The following RGMA variants were observed in gnomAD, a reference collection of about 807,000 sequenced individuals.
RGMA encodes the protein repulsive guidance molecule BMP co-receptor a.
RGMA carries 10 observed loss-of-function variants against 23.2 expected under a neutral mutation model. The ratio of observed to expected loss-of-function variants is 0.43; its 90% CI spans 0.27 to 0.73. RGMA has a LOEUF of 0.73. Ranked by LOEUF, RGMA falls within the 30% of genes least tolerant of loss-of-function variation. The pLI is 0.20. For missense variants in RGMA, 547 were observed against 630.5 expected, an observed-to-expected ratio of 0.87 and a Z score of 1.42; for synonymous variants, 308 against 279.3, an observed-to-expected ratio of 1.10 and a Z score of -1.03.
At chr15:93,064,598 G>C (rs1051555141) in intron 2 of RGMA, among the ~76,000 whole-genome samples, 1 of 152,252 alleles carries the variant, frequency 6.6e-6, no homozygotes. Context: ...TGTTCATGTG[G>C]CATTTCTTAG....
chr15:93,038,634 G>A lies in RGMA; in HGVS notation c.*6364C>T, dbSNP rs1405484124. 1 of 147,506 alleles carries A rather than the reference G, an allele frequency of 6.8e-6. No individual in the cohort carries two copies. Among genetic ancestry groups the A allele is most frequent in the South Asian group, 2.1e-4 (1 of 4,702 alleles). 9.1% of individuals were successfully genotyped at this position (147,506 alleles called of 1,614,324 possible). On this transcript the variant is annotated 3_prime_UTR_variant, in exon 4 of 4. Transcript: ENST00000329082. ...CCAGGCTGGAGGCTGGAGTGCAGTG[G>A]TGCGATCTCTGCTTGCTGCAAGTTC...
chr15:93,069,106 ATT>A lies in RGMA; in HGVS notation c.130+3808_130+3809del, dbSNP rs5814563. On this transcript the variant is annotated intron_variant, in intron 2 of 3. Transcript: ENST00000329082. ...GGTAAGCAGGCTGATCTGCTGATGCATTTTTTTTTTGTTTGTTTTTTGAGACG... is the reference window on the plus strand; with the variant it reads ...GGTAAGCAGGCTGATCTGCTGATGCATTTTTTTTGTTTGTTTTTTGAGACG... Among the ~76,000 whole-genome samples, 105 of 151,780 alleles carry A rather than the reference ATT, an allele frequency of 6.9e-4. 2 individuals carry two copies. The highest frequency in any genetic ancestry group is 3.4e-3 in the Middle Eastern group (1 of 294).
At chr15:93,046,667 G>A (rs1313072084) in intron 3 of RGMA, among the ~76,000 whole-genome samples, 1 of 152,168 alleles carries the variant, frequency 6.6e-6, no homozygotes, top group East Asian at 1.9e-4. Flanking sequence ...CATGCAAGCA[G>A]GCAGAGGCAA....
chr15:93,088,248 G>GAA, intron 1 of RGMA: 1 of 527,684 alleles, frequency 1.9e-6, no homozygotes, highest in Non-Finnish European at 2.4e-6. Context: ...CCCTCCCATT[G>GAA]AATACACCTG....
intron 2 of RGMA, among the ~76,000 whole-genome samples, chr15:93,067,858 C>T (rs918447141): frequency 2.6e-5 from 4 of 151,970 alleles, no homozygotes; most frequent in Admixed American, 6.6e-5. Flanking sequence ...GGCACCATGG[C>T]GAGGATCGGG....
Position 93,046,671 on chromosome 15 carries a change from G to C in RGMA, c.646-966C>G, listed in dbSNP as rs2054829632. On this transcript the variant is annotated intron_variant, in intron 3 of 3. Coordinates refer to ENST00000329082, the MANE Select transcript of RGMA (RefSeq NM_020211.3). ...AGGGCAAAATCCATGCAAGCAGGCA[G>C]AGGCAAGCAGAAGCCACTGTCCCAA... Among the ~76,000 whole-genome samples, 3 of 152,188 alleles carry C rather than the reference G, an allele frequency of 2.0e-5. No individual in the cohort carries two copies. In the South Asian group the frequency reaches 6.2e-4, roughly 31 times the overall value.
chr15:93,051,434 G>A (rs2054917178), intron 3 of RGMA, among the ~76,000 whole-genome samples: 1 of 152,204 alleles, frequency 6.6e-6, no homozygotes, highest in Non-Finnish European at 1.5e-5. Context: ...TCCTGGCCTC[G>A]AGGCCTTGCC....
intron 2 of RGMA, among the ~76,000 whole-genome samples, chr15:93,069,186 T>G (rs779662181): frequency 6.6e-6 from 1 of 152,218 alleles, no homozygotes; most frequent in Non-Finnish European, 1.5e-5. Flanking sequence ...CTCAGCTCAC[T>G]GCAACCTCCA....
chr15:93,046,980 C>G (rs1296153019), intron 3 of RGMA, among the ~76,000 whole-genome samples: 1 of 152,226 alleles, frequency 6.6e-6, no homozygotes, highest in Non-Finnish European at 1.5e-5. Flanking sequence ...TACTTCCAGT[C>G]TCGTGTGACA....
chr15:93,065,661 C>A, intron 2 of RGMA: 8 of 1,052,814 alleles, frequency 7.6e-6, no homozygotes, highest in Non-Finnish European at 1.0e-5. Context: ...TGCCGGGGGC[C>A]GGGGCCTGCT....
rs1042426833 is a variant in RGMA at position 93,042,343 on chromosome 15, GATA to G, written c.*2652_*2654del. 1.9e-4 allele frequency: 25 copies of G among 130,716 alleles called. No homozygotes were observed. The highest frequency in any genetic ancestry group is 4.1e-3 in the Middle Eastern group (1 of 246). The allele number at this position is 130,716 out of a possible 1,614,324, so 8.1% of individuals were successfully genotyped here. A position where few individuals can be genotyped will look rare whatever the true frequency, so the allele number is the denominator to read the frequency against. On this transcript the variant is annotated 3_prime_UTR_variant, in exon 4 of 4. Transcript: ENST00000329082. ...CCTTAACTGATTTATCTTGCTTTGG[GATA>G]ATACCACCCCCTCCCTCCCCACGAC...
intron 1 of RGMA, chr15:93,074,181 T>C: frequency 3.6e-6 from 1 of 274,644 alleles, no homozygotes; most frequent in Non-Finnish European, 6.1e-6. Context: ...CCCGCCACCC[T>C]CCTCACCTCA....
chr15:93,074,430 A>G (rs1385523109), intron 1 of RGMA, among the ~76,000 whole-genome samples: 1 of 152,214 alleles, frequency 6.6e-6, no homozygotes, highest in Non-Finnish European at 1.5e-5. Context: ...CAACCCCAGC[A>G]GCAAGACTTA....
chr15:93,080,779 C>CT (rs139990948), intron 1 of RGMA, among the ~76,000 whole-genome samples: 3,605 of 152,268 alleles, frequency 0.024, 102 homozygotes, highest in African/African-American at 0.068. Context: ...TCCTTCTCGA[C>CT]TTCCCATATT....
intron 1 of RGMA, 148 bp from the exon 2 acceptor site, chr15:93,073,179 C>T (rs979628674): frequency 8.1e-7 from 1 of 1,237,012 alleles, no homozygotes; most frequent in Admixed American, 4.4e-5. Flanking sequence ...GCGCCGCCCC[C>T]CGCGCGCCCC....
chr15:93,049,717 T>G (rs994706866), intron 3 of RGMA, among the ~76,000 whole-genome samples: 1 of 152,172 alleles, frequency 6.6e-6, no homozygotes, highest in African/African-American at 2.4e-5. Context: ...GCAAATCTCA[T>G]AGCTGCAAGG....
At chr15:93,058,128 C>T (rs111790528) in intron 2 of RGMA, among the ~76,000 whole-genome samples, 150 of 152,278 alleles carry the variant, frequency 9.9e-4, no homozygotes, top group African/African-American at 3.4e-3. Flanking sequence ...AATGAAGAGA[C>T]CTTAGATCCT....
intron 3 of RGMA, among the ~76,000 whole-genome samples, chr15:93,049,266 C>T (rs147359889): frequency 1.3e-4 from 20 of 152,274 alleles, no homozygotes; most frequent in Non-Finnish European, 2.2e-4. Context: ...GCTGGGGGCT[C>T]GGGGTACACG....
In RGMA at chr15:93,043,410, AG is replaced by A. The variant is rs2054755538; in HGVS notation, c.*1587del. The A allele has an allele frequency of 6.6e-6, 1 of 152,562 alleles. No homozygotes were observed. Among genetic ancestry groups the A allele is most frequent in the South Asian group, 2.1e-4 (1 of 4,836 alleles). 9.5% of individuals were successfully genotyped at this position (152,562 alleles called of 1,614,324 possible). ...GAAAACAAACTCCAACACGTCTAAA[AG>A]AAAATAACAAAAAAACCAAACTTTA... is the stretch of plus-strand genomic sequence containing the variant. On this transcript the variant is annotated 3_prime_UTR_variant, in exon 4 of 4. Transcript: ENST00000329082.
Sources: gnomAD v4.1 joint callset for allele counts (sites outside exome capture counted in the v4.1 genomes callset) on GRCh38, gnomAD v4.1.1 for gene constraint, MANE v1.5 for transcripts, NCBI Gene and HGNC (gene_info 2026-07-23, HGNC 2026-07-21) for gene names.